NSL1: variants seen among roughly 807,000 people sequenced by gnomAD.
The protein encoded by NSL1 is kinetochore-associated protein NSL1 homolog.
Under a neutral mutation model 25.4 loss-of-function variants are expected in NSL1, and 11 were observed. The ratio of observed to expected loss-of-function variants is 0.43; its 90% confidence interval spans 0.27 to 0.72. The LOEUF (loss-of-function observed/expected upper bound fraction) is 0.72, where lower values mean the gene tolerates loss of function less well. Among genes scored for constraint, NSL1 ranks in the 30% least tolerant of loss-of-function variants. The pLI, the probability that NSL1 is intolerant of heterozygous loss-of-function variation, is 0.19. For missense variants in NSL1, 330 were observed against 342.7 expected (o/e 0.96, Z 0.29); for synonymous variants, 118 against 120.6 (o/e 0.98, Z 0.14).
chr1:212,761,988 A>T (rs1659591854), intron 4 of NSL1, among the ~76,000 whole-genome samples: 1 of 151,770 alleles, frequency 6.6e-6, no homozygotes, highest in Non-Finnish European at 1.5e-5. Flanking sequence ...AAAAAAAAAA[A>T]AAAAAATCAT....
At chr1:212,755,962 A>C (rs1307895033) in intron 4 of NSL1, among the ~76,000 whole-genome samples, 1 of 152,210 alleles carries the variant, frequency 6.6e-6, no homozygotes, top group Non-Finnish European at 1.5e-5. Flanking sequence ...TCTGTAAATT[A>C]TGCCCCCAAA....
chr1:212,736,346 T>G lies in NSL1; in HGVS notation c.*2062A>C, dbSNP rs760348666. 4 of 985,208 alleles carry G rather than the reference T, an allele frequency of 4.1e-6. No individual in the cohort carries two copies. The highest frequency in any genetic ancestry group is 6.1e-5 in the Admixed American group (1 of 16,266). The allele number at this position is 985,208 out of a possible 1,614,324, so 61.0% of individuals were successfully genotyped here. On this transcript the variant is annotated 3_prime_UTR_variant, in exon 6 of 6. Transcript: ENST00000366977. ...GGCTATTTCTTTTCTGAAAGATAAT[T>G]TTAAGACCCTATTCAATCCAGACTC...
intron 4 of NSL1, among the ~76,000 whole-genome samples, chr1:212,775,824 G>A (rs1304848035): frequency 1.3e-5 from 2 of 152,036 alleles, no homozygotes; most frequent in South Asian, 2.1e-4. Flanking sequence ...CCATAAATTG[G>A]TGGTTTTTTT....
At chr1:212,787,443 A>G (rs1305163867) in intron 2 of NSL1, 116 bp downstream of exon 2, 5 of 637,956 alleles carry the variant, frequency 7.8e-6, no homozygotes, top group Non-Finnish European at 1.1e-5. Context: ...CTCCCCTAGT[A>G]AACAACTTCT....
chr1:212,746,019 A>G (rs1201031843), intron 4 of NSL1, among the ~76,000 whole-genome samples: 1 of 152,196 alleles, frequency 6.6e-6, no homozygotes, highest in Non-Finnish European at 1.5e-5. Context: ...GTTAATAATT[A>G]GTAAACCTGG....
chr1:212,777,509 G>A (rs763910857), intron 4 of NSL1, among the ~76,000 whole-genome samples: 4 of 152,194 alleles, frequency 2.6e-5, no homozygotes, highest in Non-Finnish European at 5.9e-5. Flanking sequence ...AGAGAGCTCT[G>A]CGTGTACACA....
chr1:212,738,049 T>C lies in NSL1; in HGVS notation c.*359A>G, dbSNP rs549339798. The C allele has an allele frequency of 1.7e-3, 1,727 of 997,602 alleles. 4 individuals are homozygous for C. Among genetic ancestry groups the C allele is most frequent in the Non-Finnish European group, 2.0e-3 (1,660 of 838,452 alleles). The allele number at this position is 997,602 out of a possible 1,614,324, so 61.8% of individuals were successfully genotyped here. On this transcript the variant is annotated 3_prime_UTR_variant, in exon 6 of 6. Coordinates refer to ENST00000366977, the MANE Select transcript of NSL1 (RefSeq NM_015471.4). ...CTTTTTTTTTTTTTTCCTAGAAAGA[T>C]GTATACCAGGGAAACACAACAGAAT...
chr1:212,768,703 G>A lies in NSL1; in HGVS notation c.499+13669C>T, dbSNP rs1276791189. On this transcript the variant is annotated intron_variant, in intron 4 of 5. Transcript: ENST00000366977. ...GCAAAGGCATAAGAATGATATAATA[G>A]ACTTTAGGGACTCTTTGGGGTAAGG... is the stretch of plus-strand genomic sequence containing the variant. Among the ~76,000 whole-genome samples the A allele has an allele frequency of 6.6e-5, 10 of 152,118 alleles. No individual in the cohort carries two copies. The East Asian group carries it at 1.9e-3, about 29-fold the overall frequency.
At position 212,791,599 on chromosome 1, in the gene NSL1, G is replaced by A; in HGVS notation, c.165C>T (p.Arg55=). ...AVTEMLQLCG[R]FVQKLGDALP... The stretch of plus-strand genomic sequence containing the variant: ...GAGCGTCCCCGAGCTTTTGCACGAA[G>A]CGGCCGCACAGTTGTAGCATTTCGG... The change falls in exon 1 of 6, where the codon CGC becomes CGT. Residue 55 remains arginine (R), a synonymous_variant. Transcript: ENST00000366977. 1.2e-6 allele frequency: 2 copies of A among 1,613,894 alleles called. No homozygotes were observed. Among genetic ancestry groups the A allele is most frequent in the Non-Finnish European group, 1.7e-6 (2 of 1,180,024 alleles).
chr1:212,726,181 A>C lies in NSL1; in HGVS notation c.*12227T>G, dbSNP rs541814409. ...ATCTAAATATATATTCGATTTTATT[A>C]GATGAAAAATGCAGCCTCTCACATC... On this transcript the variant is annotated 3_prime_UTR_variant, in exon 6 of 6. Coordinates refer to ENST00000366977, the MANE Select transcript of NSL1 (RefSeq NM_015471.4). 1.4e-4 allele frequency: 21 copies of C among 152,348 alleles called. No individual in the cohort carries two copies. In the East Asian group the frequency reaches 4.0e-3, roughly 29 times the overall value. The allele number at this position is 152,348 out of a possible 1,614,324, so 9.4% of individuals were successfully genotyped here.
At chr1:212,764,467 A>G (rs1314179566) in intron 4 of NSL1, among the ~76,000 whole-genome samples, 2 of 152,252 alleles carry the variant, frequency 1.3e-5, no homozygotes, top group Admixed American at 6.5e-5. Context: ...AAAAAATACA[A>G]AAGATAAATG....
chr1:212,791,612 T>A lies in NSL1; in HGVS notation c.152A>T (p.Gln51Leu), dbSNP rs1257300278. ...CTTTTGCACGAAGCGGCCGCACAGT[T>A]GTAGCATTTCGGTCACAGCCCGCTT... ...TSKRAVTEML[Q>L]LCGRFVQKLG... The change falls in exon 1 of 6, where the codon CAA becomes CTA. Residue 51 changes from glutamine (Q) to leucine (L), a missense_variant. Gln to Leu is a moderately radical substitution (Grantham distance 113). Transcript: ENST00000366977. 6.2e-7 allele frequency: 1 copy of A among 1,613,682 alleles called. No homozygotes were observed. The highest frequency in any genetic ancestry group is 8.5e-7 in the Non-Finnish European group (1 of 1,180,006).
rs912556351 is a variant in NSL1, at chr1:212,729,697, G to A, written c.*8711C>T. On this transcript the variant is annotated 3_prime_UTR_variant, in exon 6 of 6. Coordinates refer to ENST00000366977, the MANE Select transcript of NSL1 (RefSeq NM_015471.4). ...CCAAATTTTTGTCAGAGAAGGAAAT[G>A]AAGCAAGATACCAAGGTCAAATCCT... The A allele has an allele frequency of 1.0e-6, 1 of 985,346 alleles. No individual in the cohort carries two copies. The highest frequency in any genetic ancestry group is 1.7e-5 in the African/African-American group (1 of 57,248). 61.0% of individuals were successfully genotyped at this position (985,346 alleles called of 1,614,324 possible).
chr1:212,754,967 G>T (rs1659237958), intron 4 of NSL1, among the ~76,000 whole-genome samples: 1 of 152,158 alleles, frequency 6.6e-6, no homozygotes, highest in African/African-American at 2.4e-5. Flanking sequence ...GCCTGGGATT[G>T]TTTGGGGCCA....
At position 212,727,478 on chromosome 1, in the gene NSL1, T is replaced by C; in HGVS notation, c.*10930A>G. 2 of 985,414 alleles carry C rather than the reference T, an allele frequency of 2.0e-6. No homozygotes were observed. Among genetic ancestry groups the C allele is most frequent in the Non-Finnish European group, 2.4e-6 (2 of 829,916 alleles). 61.0% of individuals were successfully genotyped at this position (985,414 alleles called of 1,614,324 possible). A position where few individuals can be genotyped will look rare whatever the true frequency, so the allele number is the denominator to read the frequency against. On this transcript the variant is annotated 3_prime_UTR_variant, in exon 6 of 6. Transcript: ENST00000366977. ...GACACAATTTCAAGCAGCAGTCAACTAAAACGATTCCTTTTGCAATTTAGG... is the reference window on the plus strand; with the variant it reads ...GACACAATTTCAAGCAGCAGTCAACCAAAACGATTCCTTTTGCAATTTAGG...
intron 4 of NSL1, among the ~76,000 whole-genome samples, chr1:212,776,294 C>T (rs1379108551): frequency 1.3e-5 from 2 of 151,598 alleles, no homozygotes; most frequent in African/African-American, 2.4e-5. Context: ...ACCCAGGAGG[C>T]GGACAGTGCA....
At chr1:212,779,211 C>T (rs1240080573) in intron 4 of NSL1, among the ~76,000 whole-genome samples, 10 of 151,604 alleles carry the variant, frequency 6.6e-5, no homozygotes, top group African/African-American at 2.4e-4. Flanking sequence ...CCCGGCCAGC[C>T]GCCCCGTCTG....
At chr1:212,757,564 T>C (rs1466914343) in intron 4 of NSL1, among the ~76,000 whole-genome samples, 1 of 152,136 alleles carries the variant, frequency 6.6e-6, no homozygotes, top group African/African-American at 2.4e-5. Context: ...TCAATCATGA[T>C]GGAAGCCAAA....
At chr1:212,748,069 C>T (rs1369717992) in intron 4 of NSL1, among the ~76,000 whole-genome samples, 1 of 152,064 alleles carries the variant, frequency 6.6e-6, no homozygotes, top group East Asian at 1.9e-4. Context: ...ACCAGCCTTA[C>T]TTTCAAATAA....
Sources: allele counts gnomAD v4.1 joint callset (sites outside exome capture counted in the v4.1 genomes callset), GRCh38; gene constraint gnomAD v4.1.1; transcripts MANE v1.5; gene names NCBI Gene and HGNC (gene_info 2026-07-23, HGNC 2026-07-21).